Variants in CADM2 observed in about 807,000 individuals in gnomAD.
The protein encoded by CADM2 is immunoglobulin superfamily member 4D.
A neutral mutation model predicts 49.8 loss-of-function variants in CADM2; 12 were observed. The observed-to-expected ratio is 0.24, with a 90% CI of 0.15 to 0.39. The LOEUF is 0.39. Among genes scored for constraint, CADM2 ranks in the 10% least tolerant of loss-of-function variants. The pLI, the probability that CADM2 is intolerant of heterozygous loss-of-function variation, is 1.00. For missense variants in CADM2, 378 were observed against 492.3 expected (o/e 0.77, Z 2.20); for synonymous variants, 214 against 175.4 (o/e 1.22, Z -1.74).
At chr3:85,479,205 C>A (rs994560887) in intron 1 of CADM2, among the ~76,000 whole-genome samples, 1 of 151,934 alleles carries the variant, frequency 6.6e-6, no homozygotes, top group South Asian at 2.1e-4. Flanking sequence ...TTCAACCTCC[C>A]GAGTACCAGG....
intron 1 of CADM2, among the ~76,000 whole-genome samples, chr3:85,447,296 A>C (rs2037514676): frequency 6.6e-6 from 1 of 151,952 alleles, no homozygotes; most frequent in African/African-American, 2.4e-5. Flanking sequence ...TAAATAATTC[A>C]GTTCTTGTCA....
At chr3:85,501,419 T>C (rs2040110669) in intron 1 of CADM2, among the ~76,000 whole-genome samples, 1 of 152,120 alleles carries the variant, frequency 6.6e-6, no homozygotes, top group African/African-American at 2.4e-5. Context: ...AAAAATAACA[T>C]TTTTCACAGG....
At position 85,154,456 on chromosome 3, in the gene CADM2, C is replaced by T. The variant is rs539161271; in HGVS notation, c.61+194788C>T. ...GGACTATGTGAAAAGACCAAATCTA[C>T]ATCTGATTGGTGTACTTGAAAGTGA... On this transcript the variant is annotated intron_variant, in intron 1 of 9. Coordinates refer to ENST00000383699, the MANE Select transcript of CADM2 (RefSeq NM_001167675.2). 3.3e-5 allele frequency among the ~76,000 whole-genome samples: 5 copies of T among 152,222 alleles called. No homozygotes were observed. In the South Asian group the frequency reaches 1.0e-3, roughly 32 times the overall value.
At chr3:85,338,273 A>C (rs2045145283) in intron 1 of CADM2, among the ~76,000 whole-genome samples, 1 of 151,666 alleles carries the variant, frequency 6.6e-6, no homozygotes, top group Admixed American at 6.6e-5. Flanking sequence ...AATACACACA[A>C]AAAAATTTAT....
At chr3:85,399,718 A>G (rs1034652572) in intron 1 of CADM2, among the ~76,000 whole-genome samples, 2 of 152,188 alleles carry the variant, frequency 1.3e-5, no homozygotes, top group African/African-American at 4.8e-5. Flanking sequence ...ATTCCTAGAT[A>G]TTTTATTCTC....
Position 85,750,099 on chromosome 3 carries a change from A to G in CADM2, c.88+23551A>G, listed in dbSNP as rs142541700. Among the ~76,000 whole-genome samples, 184 of 152,194 alleles carry G rather than the reference A, an allele frequency of 1.2e-3. 1 individual carries two copies. The highest frequency in any genetic ancestry group is 4.1e-3 in the African/African-American group (171 of 41,558). On this transcript the variant is annotated intron_variant, in intron 2 of 9. Coordinates refer to ENST00000383699, the MANE Select transcript of CADM2 (RefSeq NM_001167675.2). Reference sequence around the variant, plus strand: ...CAATTTTTAAAGCTATAGTCTGAGAAGTTTATTGAACTCATCTTAAGACTT... The same window carrying G: ...CAATTTTTAAAGCTATAGTCTGAGAGGTTTATTGAACTCATCTTAAGACTT...
intron 1 of CADM2, among the ~76,000 whole-genome samples, chr3:85,494,099 TA>T (rs1166404761): frequency 5.3e-5 from 8 of 152,128 alleles, no homozygotes; most frequent in African/African-American, 7.2e-5. Flanking sequence ...ACTTTTCGGA[TA>T]GGGGAAAATT....
chr3:86,073,160 C>A lies in CADM2; in HGVS notation c.*6377C>A, dbSNP rs942960275. 2 of 151,984 alleles carry A rather than the reference C, an allele frequency of 1.3e-5. No homozygotes were observed. Among genetic ancestry groups the A allele is most frequent in the Non-Finnish European group, 2.9e-5 (2 of 67,920 alleles). The allele number at this position is 151,984 out of a possible 1,614,324, so 9.4% of individuals were successfully genotyped here. ...CATTTCAACATAACCAACATTAGAA[C>A]AAGTCTGCCATGTTAAAAATAATTT... is the stretch of plus-strand genomic sequence containing the variant. On this transcript the variant is annotated 3_prime_UTR_variant, in exon 10 of 10. Coordinates refer to ENST00000383699, the MANE Select transcript of CADM2 (RefSeq NM_001167675.2).
intron 1 of CADM2, among the ~76,000 whole-genome samples, chr3:85,088,244 G>T (rs1364808579): frequency 6.6e-6 from 1 of 151,988 alleles, no homozygotes; most frequent in African/African-American, 2.4e-5. Flanking sequence ...AAAAGTAATG[G>T]CTCAAGTCCT....
chr3:85,990,295 C>A (rs1728624812), intron 8 of CADM2, among the ~76,000 whole-genome samples: 1 of 151,992 alleles, frequency 6.6e-6, no homozygotes, highest in Admixed American at 6.6e-5. Flanking sequence ...ATAAGATAAG[C>A]TTTGGGTTAG....
In CADM2 at chr3:85,568,473, CTCTT is replaced by C. The variant is rs34480650; in HGVS notation, c.62-158010_62-158007del. 1.2e-3 allele frequency among the ~76,000 whole-genome samples: 33 copies of C among 27,616 alleles called. 1 individual carries two copies. The highest frequency in any genetic ancestry group is 2.5e-3 in the African/African-American group (33 of 12,948). The allele number at this position is 27,616 out of a possible 152,430, so 18.1% of individuals were successfully genotyped here. A position where few individuals can be genotyped will look rare whatever the true frequency, so the allele number is the denominator to read the frequency against. On this transcript the variant is annotated intron_variant, in intron 1 of 9. Transcript: ENST00000383699. ...TTTCTTTCTTTCTTTCTCTTTCTCT[CTCTT>C]TCTTTCTTTCTTTCTTTCTTTCTTT...
chr3:84,963,501 CTT>C (rs2030726235), intron 1 of CADM2, among the ~76,000 whole-genome samples: 1 of 152,088 alleles, frequency 6.6e-6, no homozygotes, highest in African/African-American at 2.4e-5. Context: ...ACTGTGTTTA[CTT>C]TTTGGAATTA....
intron 8 of CADM2, among the ~76,000 whole-genome samples, chr3:85,997,877 T>G (rs1729623933): frequency 6.6e-6 from 1 of 152,108 alleles, no homozygotes; most frequent in Non-Finnish European, 1.5e-5. Flanking sequence ...CAGGAGAAAA[T>G]TTACTATATC....
chr3:85,019,301 G>A (rs750527189), intron 1 of CADM2, among the ~76,000 whole-genome samples: 2 of 151,984 alleles, frequency 1.3e-5, no homozygotes, highest in Non-Finnish European at 2.9e-5. Flanking sequence ...TGGGCAACAT[G>A]GTGAGACCCC....
chr3:85,298,415 G>T (rs2044018344), intron 1 of CADM2, among the ~76,000 whole-genome samples: 1 of 152,016 alleles, frequency 6.6e-6, no homozygotes, highest in Admixed American at 6.6e-5. Context: ...TGCAGTTGAG[G>T]ATATTTCCAC....
chr3:85,562,854 C>T (rs2062139497), intron 1 of CADM2, among the ~76,000 whole-genome samples: 1 of 152,076 alleles, frequency 6.6e-6, no homozygotes, highest in South Asian at 2.1e-4. Context: ...TTTTATTCTT[C>T]TTTGGGAAGT....
intron 1 of CADM2, among the ~76,000 whole-genome samples, chr3:85,539,827 C>T (rs938599199): frequency 6.6e-6 from 1 of 152,002 alleles, no homozygotes; most frequent in African/African-American, 2.4e-5. Context: ...AATAAATGGA[C>T]AGTGGTGTCG....
chr3:85,526,688 C>T lies in CADM2; in HGVS notation c.62-199834C>T, dbSNP rs575802229. On this transcript the variant is annotated intron_variant, in intron 1 of 9. Coordinates refer to ENST00000383699, the MANE Select transcript of CADM2 (RefSeq NM_001167675.2). ...ACCAAAAATGAAACACTGTGTGGCT[C>T]ACACTAGATCCCTAAAATGCTTTAT... Among the ~76,000 whole-genome samples the T allele has an allele frequency of 2.6e-5, 4 of 152,236 alleles. No individual in the cohort carries two copies. The South Asian group carries it at 8.3e-4, about 32-fold the overall frequency.
rs150261015 is a variant in CADM2 at position 85,327,334 on chromosome 3, C to A, written c.61+367666C>A. Among the ~76,000 whole-genome samples, 802 of 152,112 alleles carry A rather than the reference C, an allele frequency of 5.3e-3. 4 individuals are homozygous for A. Among genetic ancestry groups the A allele is most frequent in the African/African-American group, 0.018 (761 of 41,476 alleles). ...GCAGTGTCACAATCCCAGCTCACTG[C>A]AACCTCCACCTCCCGAGTTCAAGTA... is the stretch of plus-strand genomic sequence containing the variant. On this transcript the variant is annotated intron_variant, in intron 1 of 9. Coordinates refer to ENST00000383699, the MANE Select transcript of CADM2 (RefSeq NM_001167675.2).
Sources: allele counts gnomAD v4.1 joint callset (sites outside exome capture counted in the v4.1 genomes callset), GRCh38; gene constraint gnomAD v4.1.1; transcripts MANE v1.5; gene names NCBI Gene and HGNC (gene_info 2026-07-23, HGNC 2026-07-21).